The following PIBF1 variants were observed in gnomAD, a reference collection of about 807,000 sequenced individuals.
The protein encoded by PIBF1 is progesterone immunomodulatory binding factor 1, also known as progesterone-induced-blocking factor 1.
In PIBF1, 90 loss-of-function variants were observed where a neutral mutation model predicts 112.5. The ratio of observed to expected loss-of-function variants is 0.80; its 90% CI spans 0.67 to 0.95. The LOEUF is 0.95. Among genes scored for constraint, PIBF1 ranks in the 40% least tolerant of loss-of-function variants. The probability of loss-of-function intolerance (pLI) is 0.00; values close to 1 mark genes in which losing one functional copy is unlikely to be tolerated. For synonymous variants in PIBF1, 301 were observed against 288.6 expected, an observed-to-expected ratio of 1.04 and a Z score of -0.44; for missense variants, 915 against 852.3, an observed-to-expected ratio of 1.07 and a Z score of -0.92.
At chr13:72,904,757 A>G (rs1252929103) in intron 11 of PIBF1, among the ~76,000 whole-genome samples, 2 of 151,732 alleles carry the variant, frequency 1.3e-5, no homozygotes, top group East Asian at 3.9e-4. Context: ...TTCTTTTTTA[A>G]TGGCATTCAT....
At chr13:72,969,223 A>T (rs968662949) in intron 15 of PIBF1, among the ~76,000 whole-genome samples, 8 of 152,166 alleles carry the variant, frequency 5.3e-5, no homozygotes, top group African/African-American at 1.9e-4. Context: ...TTTTTGGTTG[A>T]AAATTATATT....
Position 72,908,544 on chromosome 13 carries a change from A to C in PIBF1, c.1502A>C (p.Glu501Ala), listed in dbSNP as rs1566434228. Reference protein sequence around the residue: ...YQKKLEVLTKEFYSLQASSEK... With the variant: ...YQKKLEVLTKAFYSLQASSEK... Reference sequence around the variant, plus strand: ...TTTCACTATTAGGTTTTAACCAAAGAATTTTATAGTCTCCAAGCCTCTTCT... The same window carrying C: ...TTTCACTATTAGGTTTTAACCAAAGCATTTTATAGTCTCCAAGCCTCTTCT... The change falls in exon 12 of 18, where the codon GAA becomes GCA. Residue 501 changes from glutamate to alanine, a missense_variant. By Grantham distance (107) the Glu-to-Ala change is moderately radical (BLOSUM62 -1). Transcript: ENST00000326291. 1 of 1,601,428 alleles carries C rather than the reference A, an allele frequency of 6.2e-7. No individual in the cohort carries two copies. Among genetic ancestry groups the C allele is most frequent in the African/African-American group, 1.3e-5 (1 of 74,248 alleles).
At chr13:72,986,755 A>G (rs996725021) in intron 16 of PIBF1, among the ~76,000 whole-genome samples, 1 of 146,374 alleles carries the variant, frequency 6.8e-6, no homozygotes, top group Admixed American at 7.0e-5. Context: ...CAGTGGCGCA[A>G]TCTCGGCTCA....
chr13:72,991,663 T>C (rs1023083902), intron 16 of PIBF1, among the ~76,000 whole-genome samples: 2 of 151,478 alleles, frequency 1.3e-5, no homozygotes, highest in Non-Finnish European at 2.9e-5. Context: ...CTGAGGCAGG[T>C]GGATCACTTG....
At chr13:72,977,124 T>G (rs939767331) in intron 16 of PIBF1, among the ~76,000 whole-genome samples, 5 of 152,214 alleles carry the variant, frequency 3.3e-5, no homozygotes, top group Admixed American at 2.6e-4. Context: ...CCAAATGAAC[T>G]TTTTAAAGTT....
intron 13 of PIBF1, among the ~76,000 whole-genome samples, chr13:72,925,629 C>T (rs2041455377): frequency 6.7e-6 from 1 of 150,024 alleles, no homozygotes; most frequent in Non-Finnish European, 1.5e-5. Flanking sequence ...GCAAGCTCCG[C>T]CTCCCGGGTT....
chr13:72,994,840 T>C lies in PIBF1; in HGVS notation c.2050-3982T>C, dbSNP rs985360871. On this transcript the variant is annotated intron_variant, in intron 16 of 17. Coordinates refer to ENST00000326291, the MANE Select transcript of PIBF1 (RefSeq NM_006346.4). ...AATGTTTTCTAATTATTGCCTGTTA[T>C]GTTGGATTGTTTCCTGTTTGCTTTG... 3.9e-5 allele frequency among the ~76,000 whole-genome samples: 6 copies of C among 152,334 alleles called. No individual in the cohort carries two copies. The East Asian group carries it at 5.8e-4, about 15-fold the overall frequency.
intron 13 of PIBF1, among the ~76,000 whole-genome samples, chr13:72,927,567 A>G (rs1034651791): frequency 7.2e-5 from 11 of 152,060 alleles, no homozygotes; most frequent in African/African-American, 2.4e-4. Flanking sequence ...TCGTGTTTTT[A>G]GTAGAGGTGG....
chr13:72,825,795 G>A (rs1318170236), intron 6 of PIBF1, among the ~76,000 whole-genome samples: 1 of 152,018 alleles, frequency 6.6e-6, no homozygotes, highest in Non-Finnish European at 1.5e-5. Flanking sequence ...GCTGGTTACA[G>A]CGTGTCATGT....
chr13:72,846,443 C>G (rs2037884455), intron 9 of PIBF1, among the ~76,000 whole-genome samples: 1 of 152,182 alleles, frequency 6.6e-6, no homozygotes. Flanking sequence ...CCTCTCCAGT[C>G]TCTTAGCACA....
intron 10 of PIBF1, among the ~76,000 whole-genome samples, chr13:72,874,107 T>C (rs2039292307): frequency 6.6e-6 from 1 of 152,176 alleles, no homozygotes; most frequent in Non-Finnish European, 1.5e-5. Context: ...GTTGGTAAGG[T>C]TGTCAGTTAA....
chr13:72,908,471 T>C, intron 11 of PIBF1, 60 bp from the exon 12 acceptor site: 6 of 1,103,912 alleles, frequency 5.4e-6, no homozygotes, highest in Non-Finnish European at 7.6e-6. Context: ...GCATCATGTT[T>C]TTGTCTTAAC....
At chr13:72,890,227 C>T (rs2040007713) in intron 10 of PIBF1, among the ~76,000 whole-genome samples, 1 of 152,164 alleles carries the variant, frequency 6.6e-6, no homozygotes, top group African/African-American at 2.4e-5. Flanking sequence ...TCCACTGTCA[C>T]ATTGATGTCT....
intron 16 of PIBF1, among the ~76,000 whole-genome samples, chr13:72,988,471 A>G (rs1388729309): frequency 1.3e-5 from 2 of 152,144 alleles, no homozygotes; most frequent in East Asian, 1.9e-4. Flanking sequence ...TATTAATACT[A>G]TTCTACAATT....
chr13:72,921,117 G>A (rs2041271717), intron 13 of PIBF1, among the ~76,000 whole-genome samples: 1 of 151,500 alleles, frequency 6.6e-6, no homozygotes, highest in African/African-American at 2.4e-5. Flanking sequence ...TTATTTTTTG[G>A]AGTTGGAGTC....
At chr13:72,897,469 G>T (rs147361703) in intron 11 of PIBF1, among the ~76,000 whole-genome samples, 11 of 152,280 alleles carry the variant, frequency 7.2e-5, no homozygotes, top group African/African-American at 2.6e-4. Flanking sequence ...TCACATTTCA[G>T]TACTAACATT....
intron 16 of PIBF1, among the ~76,000 whole-genome samples, chr13:72,975,690 G>A (rs1411927120): frequency 6.6e-6 from 1 of 152,134 alleles, no homozygotes; most frequent in Non-Finnish European, 1.5e-5. Context: ...TACAGAGCTA[G>A]GAAAAGCTTC....
At chr13:72,882,541 A>G (rs1355623698) in intron 10 of PIBF1, among the ~76,000 whole-genome samples, 1 of 152,236 alleles carries the variant, frequency 6.6e-6, no homozygotes, top group African/African-American at 2.4e-5. Flanking sequence ...AATCCATCTG[A>G]CAAGGAATTA....
At chr13:72,993,933 G>C (rs1006183529) in intron 16 of PIBF1, among the ~76,000 whole-genome samples, 5 of 151,958 alleles carry the variant, frequency 3.3e-5, no homozygotes, top group South Asian at 2.1e-4. Context: ...ACTAGCCTGG[G>C]TAACACAGTC....
Sources: allele counts gnomAD v4.1 joint callset (sites outside exome capture counted in the v4.1 genomes callset), GRCh38; gene constraint gnomAD v4.1.1; transcripts MANE v1.5; gene names NCBI Gene and HGNC (gene_info 2026-07-23, HGNC 2026-07-21).